The following DIP2B variants were observed in gnomAD, a reference collection of about 807,000 sequenced individuals.
The protein encoded by DIP2B is disco-interacting protein 2 homolog B.
A neutral mutation model predicts 198.0 loss-of-function variants in DIP2B; 76 were observed. The observed-to-expected ratio is 0.38, with a 90% CI of 0.32 to 0.46. The LOEUF is 0.46. Among genes scored for constraint, DIP2B ranks in the 20% least tolerant of loss-of-function variants. The probability of loss-of-function intolerance (pLI) is 0.99; values close to 1 mark genes in which losing one functional copy is unlikely to be tolerated. For synonymous variants in DIP2B, 701 were observed against 739.1 expected (o/e 0.95, Z 0.84); for missense variants, 1,559 against 1,978.4 (o/e 0.79, Z 4.02).
chr12:50,553,016 A>G (rs1958440442), intron 1 of DIP2B, among the ~76,000 whole-genome samples: 1 of 151,926 alleles, frequency 6.6e-6, no homozygotes, highest in Non-Finnish European at 1.5e-5. Flanking sequence ...TTGCATTCTT[A>G]TTAGAGACGG....
intron 3 of DIP2B, among the ~76,000 whole-genome samples, chr12:50,653,878 TTTTG>T (rs1297645733): frequency 6.6e-6 from 1 of 152,110 alleles, no homozygotes; most frequent in African/African-American, 2.4e-5. Context: ...TTGCTATTTT[TTTTG>T]TTTGTTTTTG....
At chr12:50,695,616 A>C (rs1227169673) in intron 15 of DIP2B, among the ~76,000 whole-genome samples, 1 of 152,204 alleles carries the variant, frequency 6.6e-6, no homozygotes, top group African/African-American at 2.4e-5. Context: ...TGGCTGGGAC[A>C]CTGTGACCTG....
intron 1 of DIP2B, among the ~76,000 whole-genome samples, chr12:50,588,525 T>C (rs1202504536): frequency 6.6e-6 from 1 of 152,182 alleles, no homozygotes; most frequent in Admixed American, 6.5e-5. Flanking sequence ...TGATGTGTAG[T>C]AGTTATTTCC....
intron 3 of DIP2B, among the ~76,000 whole-genome samples, chr12:50,651,000 A>T (rs1938442650): frequency 6.6e-6 from 1 of 152,204 alleles, no homozygotes; most frequent in Admixed American, 6.5e-5. Context: ...TAGAAAAAAA[A>T]TCTAATGGAT....
chr12:50,661,231 A>G (rs750182644), intron 4 of DIP2B, among the ~76,000 whole-genome samples: 6 of 152,160 alleles, frequency 3.9e-5, no homozygotes, highest in Non-Finnish European at 8.8e-5. Flanking sequence ...CTCTCTTTCT[A>G]CTTTCATGTT....
chr12:50,744,335 G>A (rs1437330893), intron 37 of DIP2B, among the ~76,000 whole-genome samples: 1 of 152,028 alleles, frequency 6.6e-6, no homozygotes, highest in African/African-American at 2.4e-5. Context: ...AAACTCCCAG[G>A]AGATTCTGGA....
intron 3 of DIP2B, among the ~76,000 whole-genome samples, chr12:50,659,180 A>G (rs1938603755): frequency 6.6e-6 from 1 of 152,208 alleles, no homozygotes; most frequent in Admixed American, 6.5e-5. Flanking sequence ...GAAAGGAGAG[A>G]TAACTCTGGG....
intron 25 of DIP2B, among the ~76,000 whole-genome samples, chr12:50,719,853 A>T (rs965155363): frequency 6.7e-6 from 1 of 148,530 alleles, no homozygotes; most frequent in Non-Finnish European, 1.5e-5. Context: ...AAATAAAAAA[A>T]GAAAAAATAT....
At chr12:50,721,675 T>G (rs1474517624) in intron 26 of DIP2B, among the ~76,000 whole-genome samples, 1 of 152,174 alleles carries the variant, frequency 6.6e-6, no homozygotes, top group Admixed American at 6.5e-5. Context: ...ATGAATGAAG[T>G]CTTCAGCTAC....
chr12:50,676,645 A>G (rs2139529687), intron 7 of DIP2B, among the ~76,000 whole-genome samples: 1 of 152,360 alleles, frequency 6.6e-6, no homozygotes, highest in African/African-American at 2.4e-5. Flanking sequence ...TACTAATATA[A>G]ATAGGCAATA....
At chr12:50,598,309 A>T (rs180826283) in intron 1 of DIP2B, among the ~76,000 whole-genome samples, 67 of 152,248 alleles carry the variant, frequency 4.4e-4, no homozygotes, top group Admixed American at 2.7e-3. Context: ...ATATATATTT[A>T]AAAAAAGTTA....
chr12:50,551,603 C>A (rs1300198633), intron 1 of DIP2B, among the ~76,000 whole-genome samples: 1 of 152,042 alleles, frequency 6.6e-6, no homozygotes, highest in Admixed American at 6.5e-5. Flanking sequence ...GCCACCACGC[C>A]CAGCTAGTTT....
rs781370617 is a variant in DIP2B at position 50,744,728 on chromosome 12, G to A, written c.4620G>A (p.Val1540=). The change falls in exon 38 of 38, where the codon GTG becomes GTA. Residue 1540 remains valine, a synonymous_variant. Transcript: ENST00000301180. The part of the protein sequence containing the change: ...HYLIVGVVVV[V]DPGVIPINSR... Reference sequence around the variant, plus strand: ...TCATCGTTGGCGTCGTGGTTGTGGTGGACCCAGGTGTCATCCCGATCAACT... The same window carrying A: ...TCATCGTTGGCGTCGTGGTTGTGGTAGACCCAGGTGTCATCCCGATCAACT... 1.9e-6 allele frequency: 3 copies of A among 1,614,166 alleles called. No individual in the cohort carries two copies. In the South Asian group the frequency reaches 3.3e-5, roughly 18 times the overall value.
intron 35 of DIP2B, among the ~76,000 whole-genome samples, 188 bp from the exon 36 acceptor site, chr12:50,739,221 A>T (rs1221048302): frequency 2.0e-5 from 3 of 152,204 alleles, no homozygotes; most frequent in African/African-American, 7.2e-5. Context: ...TTGTCATGTC[A>T]TATATATCAG....
chr12:50,690,376 G>T (rs1015726285), intron 12 of DIP2B, among the ~76,000 whole-genome samples: 1 of 152,120 alleles, frequency 6.6e-6, no homozygotes, highest in Non-Finnish European at 1.5e-5. Context: ...GTGAGCCACC[G>T]CACCCAGCCA....
chr12:50,551,091 T>C (rs1279134842), intron 1 of DIP2B, among the ~76,000 whole-genome samples: 2 of 149,878 alleles, frequency 1.3e-5, no homozygotes, highest in East Asian at 4.0e-4. Flanking sequence ...ACCCTGTCTT[T>C]AAGAAAAAAA....
At chr12:50,532,382 G>A (rs1233284428) in intron 1 of DIP2B, among the ~76,000 whole-genome samples, 1 of 152,132 alleles carries the variant, frequency 6.6e-6, no homozygotes, top group Non-Finnish European at 1.5e-5. Flanking sequence ...AGGTGTGGTG[G>A]CATGCGCCTG....
At chr12:50,564,388 G>A (rs552639889) in intron 1 of DIP2B, among the ~76,000 whole-genome samples, 1 of 152,222 alleles carries the variant, frequency 6.6e-6, no homozygotes, top group South Asian at 2.1e-4. Context: ...AGAGTAGATT[G>A]CTGTACTTAA....
At chr12:50,600,913 CACCACCACCACCACCACCACCACCACT>C (rs1412736172) in intron 1 of DIP2B, among the ~76,000 whole-genome samples, 14 of 148,500 alleles carry the variant, frequency 9.4e-5, no homozygotes, top group East Asian at 4.0e-4. Context: ...CCACCACCAC[CACCACCACCACCACCACCACCACCACT>C]ACCACCACCA....
Sources: gnomAD v4.1 joint callset for allele counts (sites outside exome capture counted in the v4.1 genomes callset) on GRCh38, gnomAD v4.1.1 for gene constraint, MANE v1.5 for transcripts, NCBI Gene and HGNC (gene_info 2026-07-23, HGNC 2026-07-21) for gene names.